The following ZNF722 variants were observed in gnomAD, a reference collection of about 807,000 sequenced individuals.
The protein encoded by ZNF722 is zinc finger protein 722, also known as zinc finger protein 479 pseudogene.
At chr7:64,005,651 C>G in the ZNF722 span, 1 of 1,360,456 alleles carries the variant, frequency 7.4e-7, no homozygotes, top group East Asian at 2.3e-5. Flanking sequence ...AGAATTCTCT[C>G]TGGAGGAGTG....
chr7:63,999,007 G>A, the ZNF722 span: 1 of 1,577,160 alleles, frequency 6.3e-7, no homozygotes. Context: ...AATGGTGAGT[G>A]CTGGGTCTGT....
the ZNF722 span, among the ~76,000 whole-genome samples, chr7:64,007,342 T>C: frequency 2.1e-4 from 32 of 151,844 alleles, no homozygotes; most frequent in East Asian, 5.8e-3. Flanking sequence ...GCTGCACCCA[T>C]TAACTTGTCA....
the ZNF722 span, among the ~76,000 whole-genome samples, chr7:64,004,428 A>ATC: frequency 1.6e-5 from 1 of 64,262 alleles, no homozygotes; most frequent in Admixed American, 1.6e-4. Flanking sequence ...AAAAAAAAAT[A>ATC]TATATATATA....
At chr7:64,000,436 C>CGTTTTTT in the ZNF722 span, among the ~76,000 whole-genome samples, 1 of 23,674 alleles carries the variant, frequency 4.2e-5, no homozygotes, top group Admixed American at 8.7e-4. Flanking sequence ...CATGCCCGGC[C>CGTTTTTT]TTTTTTTTTT....
At chr7:64,004,234 C>T in the ZNF722 span, among the ~76,000 whole-genome samples, 1 of 147,074 alleles carries the variant, frequency 6.8e-6, no homozygotes, top group Non-Finnish European at 1.5e-5. Flanking sequence ...AACCCCGTCT[C>T]TACGGAAAAA....
At chr7:64,003,528 G>A in the ZNF722 span, among the ~76,000 whole-genome samples, 498 of 152,246 alleles carry the variant, frequency 3.3e-3, 1 homozygote, top group African/African-American at 0.011. Flanking sequence ...CTCAGATCAA[G>A]CACAGTGTCC....
the ZNF722 span, chr7:64,014,883 A>G: frequency 1.5e-6 from 1 of 673,990 alleles, no homozygotes; most frequent in Non-Finnish European, 2.5e-6. Flanking sequence ...TGTTAGGTTT[A>G]TACATCTATG....
chr7:64,016,284 A>T, the ZNF722 span, among the ~76,000 whole-genome samples: 8 of 152,092 alleles, frequency 5.3e-5, no homozygotes, highest in African/African-American at 1.4e-4. Context: ...GACTATAGGC[A>T]TGTGCCACCA....
At chr7:64,001,099 T>C in the ZNF722 span, among the ~76,000 whole-genome samples, 1 of 152,170 alleles carries the variant, frequency 6.6e-6, no homozygotes, top group Non-Finnish European at 1.5e-5. Context: ...TTTTACCTTT[T>C]ATTTTAGGTT....
chr7:64,011,449 G>A, the ZNF722 span, among the ~76,000 whole-genome samples: 1 of 152,096 alleles, frequency 6.6e-6, no homozygotes, highest in Admixed American at 6.6e-5. Context: ...GCCTGGTGGT[G>A]ACAAAATCTC....
At chr7:64,015,378 A>G in the ZNF722 span, 10 of 1,512,470 alleles carry the variant, frequency 6.6e-6, no homozygotes, top group South Asian at 1.1e-5. Flanking sequence ...TCAACATCAG[A>G]TAATTCATAC....
chr7:64,017,299 G>C, the ZNF722 span, among the ~76,000 whole-genome samples: 1 of 152,154 alleles, frequency 6.6e-6, no homozygotes, highest in Non-Finnish European at 1.5e-5. Flanking sequence ...CAGGCGAATT[G>C]CTTGAACCTG....
the ZNF722 span, chr7:64,006,183 T>C: frequency 9.4e-7 from 1 of 1,061,598 alleles, no homozygotes; most frequent in South Asian, 1.9e-5. Context: ...AATTAAAGAA[T>C]TCAGCAAGAT....
chr7:64,004,359 A>T, the ZNF722 span, among the ~76,000 whole-genome samples: 1 of 144,948 alleles, frequency 6.9e-6, no homozygotes, highest in Non-Finnish European at 1.5e-5. Flanking sequence ...CAGTGAGATG[A>T]GATTGCACCA....
the ZNF722 span, among the ~76,000 whole-genome samples, chr7:63,999,721 G>A: frequency 0.16 from 24,269 of 151,914 alleles, 2,601 homozygotes; most frequent in Non-Finnish European, 0.22. Flanking sequence ...TTTTTGAGAG[G>A]GAGTCTCGCT....
chr7:64,017,656 A>C, the ZNF722 span, among the ~76,000 whole-genome samples: 1 of 152,232 alleles, frequency 6.6e-6, no homozygotes. Flanking sequence ...TTTGTTCAAA[A>C]ACTACAGCTT....
the ZNF722 span, chr7:64,006,461 T>C: frequency 5.2e-6 from 3 of 574,686 alleles, no homozygotes; most frequent in Non-Finnish European, 8.7e-6. Flanking sequence ...TTTCTTTTGC[T>C]CTCACATAGG....
chr7:64,017,261 G>A, the ZNF722 span, among the ~76,000 whole-genome samples: 47 of 152,254 alleles, frequency 3.1e-4, 1 homozygote, highest in East Asian at 7.6e-3. Flanking sequence ...GCGTGTGCCT[G>A]TAATCCCAGC....
the ZNF722 span, among the ~76,000 whole-genome samples, chr7:64,005,983 A>T: frequency 6.6e-6 from 1 of 152,194 alleles, no homozygotes; most frequent in African/African-American, 2.4e-5. Context: ...ATGGCATAAA[A>T]TAGCGTTTCC....
Sources: gnomAD v4.1 joint callset for allele counts (sites outside exome capture counted in the v4.1 genomes callset) on GRCh38, gnomAD v4.1.1 for gene constraint, MANE v1.5 for transcripts, NCBI Gene and HGNC (gene_info 2026-07-23, HGNC 2026-07-21) for gene names.